USP9X: variants seen among roughly 807,000 people sequenced by gnomAD.
USP9X encodes the protein ubiquitin carboxyl-terminal hydrolase 9X.
USP9X carries 7 observed loss-of-function variants against 190.3 expected under a neutral mutation model. The observed-to-expected ratio is 0.04, with a 90% CI of 0.02 to 0.07. USP9X has a LOEUF of 0.07. Among genes scored for constraint, USP9X ranks in the 10% least tolerant of loss-of-function variants. The pLI is 1.00. For synonymous variants in USP9X, 645 were observed against 659.5 expected, an observed-to-expected ratio of 0.98 and a Z score of 0.34; for missense variants, 1,010 against 1,916.9, an observed-to-expected ratio of 0.53 and a Z score of 8.83.
At chrX:41,199,406 T>C (rs913096046) in intron 30 of USP9X, among the ~76,000 whole-genome samples, 2 of 110,838 alleles carry the variant, frequency 1.8e-5, no homozygotes, top group Non-Finnish European at 3.8e-5. Flanking sequence ...TAAAACTTTA[T>C]TTTATTTATT....
intron 2 of USP9X, among the ~76,000 whole-genome samples, chrX:41,125,423 C>T (rs2146992929): frequency 9.4e-6 from 1 of 106,572 alleles, no homozygotes; most frequent in Non-Finnish European, 1.9e-5. Context: ...TTTTTAGTGT[C>T]TTTTGGTAAA....
chrX:41,198,409 GA>G, intron 29 of USP9X, 118 bp from the exon 30 acceptor site: 1 of 365,724 alleles, frequency 2.7e-6, no homozygotes, highest in East Asian at 8.5e-5. Flanking sequence ...AGTTTTCTGA[GA>G]TGTAATGAGA....
chrX:41,151,590 G>A (rs890877569), intron 13 of USP9X, among the ~76,000 whole-genome samples: 2 of 112,391 alleles, frequency 1.8e-5, no homozygotes, highest in Admixed American at 9.4e-5. Flanking sequence ...GAGAAAGAGA[G>A]CAGGGTGCAG....
intron 23 of USP9X, among the ~76,000 whole-genome samples, chrX:41,185,979 A>C (rs2062870751): frequency 9.0e-6 from 1 of 111,705 alleles, no homozygotes; most frequent in African/African-American, 3.3e-5. Flanking sequence ...GAAGGCAGTC[A>C]GAATTACCTC....
At chrX:41,185,607 A>G (rs2062866615) in intron 23 of USP9X, among the ~76,000 whole-genome samples, 1 of 111,163 alleles carries the variant, frequency 9.0e-6, no homozygotes, top group African/African-American at 3.3e-5. Context: ...AAAATGGCTT[A>G]AATTTTATAT....
intron 24 of USP9X, among the ~76,000 whole-genome samples, chrX:41,187,637 T>C (rs912909192): frequency 8.9e-6 from 1 of 111,802 alleles, no homozygotes; most frequent in African/African-American, 3.3e-5. Context: ...GAGCGTACTT[T>C]GTTGTATTGC....
At chrX:41,177,408 A>G (rs2062784869) in intron 21 of USP9X, among the ~76,000 whole-genome samples, 1 of 111,654 alleles carries the variant, frequency 9.0e-6, no homozygotes, top group African/African-American at 3.3e-5. Flanking sequence ...AATATCTCTC[A>G]TTGGGTCTTA....
At chrX:41,116,149 CAATCA>C (rs2062146452) in intron 1 of USP9X, among the ~76,000 whole-genome samples, 1 of 111,975 alleles carries the variant, frequency 8.9e-6, no homozygotes, top group Non-Finnish European at 1.9e-5. Context: ...GTTGTAGAGG[CAATCA>C]AATCACCATT....
chrX:41,160,011 G>C (rs1276131771), intron 14 of USP9X, among the ~76,000 whole-genome samples: 1 of 104,933 alleles, frequency 9.5e-6, no homozygotes, highest in Non-Finnish European at 2.0e-5. Context: ...TTTATGACTC[G>C]ATGTTTTTTT....
At chrX:41,155,452 C>A (rs909953716) in intron 14 of USP9X, among the ~76,000 whole-genome samples, 3 of 111,769 alleles carry the variant, frequency 2.7e-5, no homozygotes, top group East Asian at 2.8e-4. Flanking sequence ...TCAATACTTA[C>A]CGAAAGTTTA....
intron 14 of USP9X, among the ~76,000 whole-genome samples, chrX:41,162,385 A>G (rs1238380388): frequency 1.8e-5 from 2 of 111,964 alleles, no homozygotes; most frequent in Non-Finnish European, 3.8e-5. Flanking sequence ...ATTTATTTTT[A>G]TACCAAAATA....
At chrX:41,208,734 G>C (rs1189968569) in intron 32 of USP9X, among the ~76,000 whole-genome samples, 2 of 109,517 alleles carry the variant, frequency 1.8e-5, no homozygotes, top group African/African-American at 6.7e-5. Context: ...TTGAGATGGA[G>C]TCTCGCTCTG....
intron 1 of USP9X, among the ~76,000 whole-genome samples, chrX:41,101,504 T>C (rs2062033688): frequency 9.1e-6 from 1 of 110,235 alleles, no homozygotes; most frequent in Non-Finnish European, 1.9e-5. Context: ...GGAGAATTGC[T>C]TGGACCCGGG....
intron 41 of USP9X, among the ~76,000 whole-genome samples, chrX:41,227,999 C>T (rs1197441388): frequency 8.9e-6 from 1 of 111,865 alleles, no homozygotes; most frequent in African/African-American, 3.3e-5. Context: ...CGTGCCCATC[C>T]CAGAACATTT....
Position 41,197,261 on chromosome X carries a change from C to G in USP9X, c.4234-103C>G, listed in dbSNP as rs1322258713. ...CTTAAGGAAATTATCTCATATCCCT[C>G]CAGCTCTGTCTCGTTCTGGCTCCTC... is the stretch of plus-strand genomic sequence containing the variant. On this transcript the variant is annotated intron_variant, in intron 28 of 44. Transcript: ENST00000378308. 9.4e-6 allele frequency: 5 copies of G among 534,091 alleles called. No individual in the cohort carries two copies. The East Asian group carries it at 1.9e-4, about 20-fold the overall frequency. 44.0% of individuals were successfully genotyped at this position (534,091 alleles called of 1,213,427 possible).
At chrX:41,125,684 A>ACTCTCTCTCTCTCTCTCTCT (rs1555918325) in intron 2 of USP9X, among the ~76,000 whole-genome samples, 10 of 19,022 alleles carry the variant, frequency 5.3e-4, no homozygotes, top group East Asian at 1.9e-3. Flanking sequence ...ACACACACAC[A>ACTCTCTCTCTCTCTCTCTCT]CTCTCTCTCT....
chrX:41,214,981 A>G (rs745958521), intron 34 of USP9X, among the ~76,000 whole-genome samples: 10 of 112,300 alleles, frequency 8.9e-5, no homozygotes, highest in Non-Finnish European at 7.5e-5. Flanking sequence ...ATTCTCTTAT[A>G]TAAGTTACAC....
At chrX:41,193,618 C>G (rs903339883) in intron 26 of USP9X, among the ~76,000 whole-genome samples, 4 of 111,756 alleles carry the variant, frequency 3.6e-5, no homozygotes, top group Non-Finnish European at 7.5e-5. Flanking sequence ...GAGCCCTGAT[C>G]GTGCCACTGC....
intron 41 of USP9X, among the ~76,000 whole-genome samples, chrX:41,228,344 T>C (rs2063332624): frequency 1.8e-5 from 2 of 112,228 alleles, no homozygotes; most frequent in Non-Finnish European, 3.8e-5. Context: ...ATGTTTTAAG[T>C]TAGTTAGTTC....
Sources: allele counts gnomAD v4.1 joint callset (sites outside exome capture counted in the v4.1 genomes callset), GRCh38; gene constraint gnomAD v4.1.1; transcripts MANE v1.5; gene names NCBI Gene and HGNC (gene_info 2026-07-23, HGNC 2026-07-21).